Variants in CSMD1 observed in about 807,000 individuals in gnomAD.
The protein encoded by CSMD1 is CUB and sushi domain-containing protein 1.
Under a neutral mutation model 417.5 loss-of-function variants are expected in CSMD1, and 213 were observed. The observed-to-expected ratio is 0.51, with a 90% CI of 0.46 to 0.57. The LOEUF (loss-of-function observed/expected upper bound fraction) is 0.57. Ranked by LOEUF, CSMD1 falls within the 20% of genes least tolerant of loss-of-function variation. The pLI is 0.00. For synonymous variants in CSMD1, 2,862 were observed against 1,736.8 expected, an observed-to-expected ratio of 1.65 and a Z score of -16.11; for missense variants, 6,923 against 4,529.7, an observed-to-expected ratio of 1.53 and a Z score of -15.17.
chr8:4,458,984 G>A (rs570879947), intron 2 of CSMD1, among the ~76,000 whole-genome samples: 3 of 152,294 alleles, frequency 2.0e-5, no homozygotes, highest in East Asian at 1.9e-4. Context: ...ACATCTCAGT[G>A]AGGATTCACG....
Position 3,871,428 on chromosome 8 carries a change from C to T in CSMD1, c.819-117386G>A, listed in dbSNP as rs190129603. On this transcript the variant is annotated intron_variant, in intron 5 of 69. Coordinates refer to ENST00000635120, the MANE Select transcript of CSMD1 (RefSeq NM_033225.6). ...ACTTGCATTATTTTCCTTTAACATG[C>T]ATCATTTAATTTCAACTTGCATTAT... Among the ~76,000 whole-genome samples the T allele has an allele frequency of 8.5e-5, 13 of 152,138 alleles. No individual in the cohort carries two copies. In the East Asian group the frequency reaches 2.5e-3, roughly 29 times the overall value.
chr8:4,975,494 G>C (rs1051493460), intron 1 of CSMD1, among the ~76,000 whole-genome samples: 16 of 152,186 alleles, frequency 1.1e-4, no homozygotes, highest in African/African-American at 3.6e-4. Context: ...AGTTATGTCA[G>C]GGCTGAAAGC....
At chr8:4,276,651 G>T (rs986471869) in intron 3 of CSMD1, among the ~76,000 whole-genome samples, 1 of 152,120 alleles carries the variant, frequency 6.6e-6, no homozygotes, top group South Asian at 2.1e-4. Flanking sequence ...GTGATTCAAA[G>T]TCTTATTTTC....
At chr8:4,379,808 C>A (rs1224551939) in intron 3 of CSMD1, among the ~76,000 whole-genome samples, 1 of 152,190 alleles carries the variant, frequency 6.6e-6, no homozygotes, top group East Asian at 1.9e-4. Flanking sequence ...GTTGACAATT[C>A]TATGAGGTAA....
chr8:4,532,214 C>G (rs1464006978), intron 2 of CSMD1, among the ~76,000 whole-genome samples: 1 of 150,382 alleles, frequency 6.6e-6, no homozygotes, highest in African/African-American at 2.5e-5. Flanking sequence ...AATCCTGCAC[C>G]CCCATTCACA....
At chr8:3,253,833 G>T (rs1169736353) in intron 26 of CSMD1, among the ~76,000 whole-genome samples, 3 of 152,108 alleles carry the variant, frequency 2.0e-5, no homozygotes, top group African/African-American at 7.2e-5. Flanking sequence ...TATCCAATTT[G>T]CCAGTCTGTG....
intron 3 of CSMD1, among the ~76,000 whole-genome samples, chr8:4,106,581 T>G (rs1164933012): frequency 6.6e-6 from 1 of 152,126 alleles, no homozygotes; most frequent in East Asian, 1.9e-4. Context: ...AGTTAATAAT[T>G]AAAGGTGAAT....
In CSMD1 at chr8:4,325,100, C is replaced by T. The variant is rs143510785; in HGVS notation, c.415+94853G>A. 3.8e-4 allele frequency among the ~76,000 whole-genome samples: 58 copies of T among 152,240 alleles called. 2 individuals are homozygous for T. The East Asian group carries it at 0.011, about 28-fold the overall frequency. ...GGAGGGAAAAATCAGACATCAGTAA[C>T]CCACTTGATGATACTGCACATTGTA... On this transcript the variant is annotated intron_variant, in intron 3 of 69. Transcript: ENST00000635120.
At chr8:4,436,200 G>C (rs919630865) in intron 2 of CSMD1, among the ~76,000 whole-genome samples, 1 of 152,002 alleles carries the variant, frequency 6.6e-6, no homozygotes, top group Non-Finnish European at 1.5e-5. Context: ...CTGGCTTTAG[G>C]CTTCTTATGC....
chr8:4,799,618 A>AAAAAC, intron 1 of CSMD1, among the ~76,000 whole-genome samples: 1 of 150,886 alleles, frequency 6.6e-6, no homozygotes, highest in South Asian at 2.1e-4. Flanking sequence ...AAAAAAAAAA[A>AAAAAC]AAAAAAAAAA....
intron 5 of CSMD1, among the ~76,000 whole-genome samples, chr8:3,942,185 C>T (rs1810929109): frequency 6.6e-6 from 1 of 151,882 alleles, no homozygotes; most frequent in East Asian, 1.9e-4. Flanking sequence ...TGTGGGCTCC[C>T]ACTGATTCTA....
intron 3 of CSMD1, among the ~76,000 whole-genome samples, chr8:4,246,422 G>A (rs1005255785): frequency 6.6e-6 from 1 of 152,154 alleles, no homozygotes; most frequent in Non-Finnish European, 1.5e-5. Context: ...ATAAGTTGTA[G>A]AGAAAGGGCA....
intron 3 of CSMD1, among the ~76,000 whole-genome samples, chr8:4,377,176 G>C (rs1337309524): frequency 6.6e-6 from 1 of 152,134 alleles, no homozygotes; most frequent in Non-Finnish European, 1.5e-5. Flanking sequence ...TATAGTGCAT[G>C]GAATTGATTA....
chr8:3,731,656 T>G (rs992127728), intron 6 of CSMD1, among the ~76,000 whole-genome samples: 6 of 152,096 alleles, frequency 3.9e-5, no homozygotes, highest in African/African-American at 1.4e-4. Context: ...GGAATTATGC[T>G]CGGTACTGGG....
chr8:3,432,662 T>A lies in CSMD1; in HGVS notation c.1562-23057A>T, dbSNP rs191529420. On this transcript the variant is annotated intron_variant, in intron 12 of 69. Transcript: ENST00000635120. ...TCCTGAGTAGCTGGGACTACAGGCGTGTGCCACCACACCCAGCTAATTTTT... is the reference window on the plus strand; with the variant it reads ...TCCTGAGTAGCTGGGACTACAGGCGAGTGCCACCACACCCAGCTAATTTTT... Among the ~76,000 whole-genome samples, 280 of 152,086 alleles carry A rather than the reference T, an allele frequency of 1.8e-3. 1 individual carries two copies. The highest frequency in any genetic ancestry group is 6.6e-3 in the African/African-American group (272 of 41,494).
At chr8:4,243,108 C>A (rs1018670348) in intron 3 of CSMD1, among the ~76,000 whole-genome samples, 1 of 151,960 alleles carries the variant, frequency 6.6e-6, no homozygotes, top group African/African-American at 2.4e-5. Flanking sequence ...GGAACATGTT[C>A]ACTGTGGAAA....
At chr8:3,892,464 G>T (rs969762434) in intron 5 of CSMD1, among the ~76,000 whole-genome samples, 6 of 151,994 alleles carry the variant, frequency 3.9e-5, no homozygotes, top group African/African-American at 7.3e-5. Flanking sequence ...ATTCATTCAG[G>T]CCCCAACTAA....
chr8:4,658,302 T>C (rs554108403), intron 1 of CSMD1, among the ~76,000 whole-genome samples: 2 of 152,222 alleles, frequency 1.3e-5, no homozygotes, highest in South Asian at 2.1e-4. Context: ...GGACATATTT[T>C]AATAAAATTT....
intron 3 of CSMD1, among the ~76,000 whole-genome samples, chr8:4,126,110 G>C (rs1802749496): frequency 6.6e-6 from 1 of 151,448 alleles, no homozygotes; most frequent in Admixed American, 6.6e-5. Flanking sequence ...AACTCACTTT[G>C]ACCCCCTGTG....
Sources: allele counts gnomAD v4.1 joint callset (sites outside exome capture counted in the v4.1 genomes callset), GRCh38; gene constraint gnomAD v4.1.1; transcripts MANE v1.5; gene names NCBI Gene and HGNC (gene_info 2026-07-23, HGNC 2026-07-21).